Variants in THSD7B observed in about 807,000 individuals in gnomAD.
THSD7B encodes the protein thrombospondin type-1 domain-containing protein 7B.
A neutral mutation model predicts 213.6 loss-of-function variants in THSD7B; 138 were observed. The observed-to-expected ratio is 0.65, with a 90% CI of 0.56 to 0.74. The LOEUF is 0.74. THSD7B is among the 30% of genes least tolerant of loss of function. THSD7B has a pLI of 0.00. For missense variants in THSD7B, 1,931 were observed against 1,991.5 expected (o/e 0.97, Z 0.58); for synonymous variants, 742 against 687.0 (o/e 1.08, Z -1.25).
Position 137,111,594 on chromosome 2 carries a change from T to A in THSD7B, c.1200-3530T>A, listed in dbSNP as rs148631377. Among the ~76,000 whole-genome samples, 1,483 of 152,288 alleles carry A rather than the reference T, an allele frequency of 9.7e-3. 31 individuals carry two copies. The highest frequency in any genetic ancestry group is 0.033 in the African/African-American group (1,377 of 41,550). Reference sequence around the variant, plus strand: ...GGGTTGCTGGGAGGATTAAATGAAGTAATGCCCCTAAGTTCATTAGTGCGG... The same window carrying A: ...GGGTTGCTGGGAGGATTAAATGAAGAAATGCCCCTAAGTTCATTAGTGCGG... On this transcript the variant is annotated intron_variant, in intron 4 of 27. Coordinates refer to ENST00000409968, the MANE Select transcript of THSD7B (RefSeq NM_001316349.2).
At chr2:137,016,838 T>C (rs574213840) in intron 2 of THSD7B, among the ~76,000 whole-genome samples, 1 of 152,326 alleles carries the variant, frequency 6.6e-6, no homozygotes, top group Non-Finnish European at 1.5e-5. Flanking sequence ...TAAATACTTT[T>C]GCAAGTGCTT....
intron 10 of THSD7B, 53 bp from the exon 11 acceptor site, chr2:137,272,480 A>T: frequency 1.3e-6 from 2 of 1,521,310 alleles, no homozygotes; most frequent in Non-Finnish European, 1.8e-6. Context: ...CTGGATTTTG[A>T]TCTGCATCAA....
intron 14 of THSD7B, among the ~76,000 whole-genome samples, chr2:137,440,813 A>C (rs1046368007): frequency 2.6e-5 from 4 of 152,164 alleles, no homozygotes; most frequent in African/African-American, 9.6e-5. Flanking sequence ...GATTCAGGTC[A>C]GAGTTTCTTT....
At chr2:137,317,657 A>G (rs942724115) in intron 12 of THSD7B, among the ~76,000 whole-genome samples, 3 of 152,178 alleles carry the variant, frequency 2.0e-5, no homozygotes, top group African/African-American at 4.8e-5. Flanking sequence ...AATTATGCCT[A>G]TAATCCCAGA....
chr2:137,189,126 C>A (rs35865743), intron 7 of THSD7B, among the ~76,000 whole-genome samples: 1 of 152,002 alleles, frequency 6.6e-6, no homozygotes, highest in Non-Finnish European at 1.5e-5. Context: ...ATCTTCCTTC[C>A]TTCATTTTCC....
intron 2 of THSD7B, among the ~76,000 whole-genome samples, chr2:136,924,367 T>G (rs1209096945): frequency 1.3e-5 from 2 of 151,272 alleles, no homozygotes; most frequent in African/African-American, 4.8e-5. Flanking sequence ...ATATTCTTAC[T>G]TTTTGGTGTA....
intron 1 of THSD7B, among the ~76,000 whole-genome samples, chr2:136,872,812 TAC>T (rs1683455418): frequency 8.2e-5 from 1 of 12,232 alleles, no homozygotes; most frequent in Admixed American, 1.1e-3. Flanking sequence ...TTACTGAAAA[TAC>T]AAAAAAAAAA....
chr2:136,834,994 A>G (rs1682821325), intron 1 of THSD7B, among the ~76,000 whole-genome samples: 1 of 152,198 alleles, frequency 6.6e-6, no homozygotes, highest in Admixed American at 6.5e-5. Flanking sequence ...TGTATTTTAC[A>G]AAGACGAATT....
At position 136,855,587 on chromosome 2, in the gene THSD7B, G is replaced by A. The variant is rs900688181; in HGVS notation, c.-35-26557G>A. On this transcript the variant is annotated intron_variant, in intron 1 of 27. Coordinates refer to ENST00000409968, the MANE Select transcript of THSD7B (RefSeq NM_001316349.2). ...ATTACAGGTGCGTGCCACCGCATCC[G>A]GCTATTATTTATTTATTATTTATTT... Among the ~76,000 whole-genome samples, 6 of 43,620 alleles carry A rather than the reference G, an allele frequency of 1.4e-4. No individual in the cohort carries two copies. In the East Asian group the frequency reaches 2.8e-3, roughly 20 times the overall value. The allele number at this position is 43,620 out of a possible 152,430, so 28.6% of individuals were successfully genotyped here. A position where few individuals can be genotyped will look rare whatever the true frequency, so the allele number is the denominator to read the frequency against.
chr2:137,641,602 A>T (rs1162979075), intron 20 of THSD7B, among the ~76,000 whole-genome samples: 1 of 152,222 alleles, frequency 6.6e-6, no homozygotes, highest in Non-Finnish European at 1.5e-5. Flanking sequence ...TGAGAGTGAA[A>T]GAGTACAAGA....
At chr2:136,837,822 C>A (rs1352338407) in intron 1 of THSD7B, among the ~76,000 whole-genome samples, 1 of 152,190 alleles carries the variant, frequency 6.6e-6, no homozygotes, top group African/African-American at 2.4e-5. Flanking sequence ...TATATATCCT[C>A]CTACCTTGCA....
intron 3 of THSD7B, among the ~76,000 whole-genome samples, chr2:137,082,511 A>C (rs1221322484): frequency 6.6e-6 from 1 of 152,136 alleles, no homozygotes; most frequent in African/African-American, 2.4e-5. Context: ...ATTTGAATCT[A>C]TAACAACAAG....
At chr2:137,018,955 A>G (rs1015615886) in intron 2 of THSD7B, among the ~76,000 whole-genome samples, 1 of 152,092 alleles carries the variant, frequency 6.6e-6, no homozygotes, top group African/African-American at 2.4e-5. Flanking sequence ...ATATCTTGGC[A>G]TTGTCATAAT....
chr2:137,077,940 A>G (rs979524737), intron 3 of THSD7B, among the ~76,000 whole-genome samples: 2 of 152,126 alleles, frequency 1.3e-5, no homozygotes, highest in Non-Finnish European at 2.9e-5. Flanking sequence ...GTTTTCTTCT[A>G]GGGTTTTTAT....
At chr2:136,866,177 C>T (rs971393856) in intron 1 of THSD7B, among the ~76,000 whole-genome samples, 8 of 152,132 alleles carry the variant, frequency 5.3e-5, no homozygotes, top group African/African-American at 1.9e-4. Flanking sequence ...CTATTTCATT[C>T]TTCTTATTTA....
At chr2:137,649,958 C>T (rs1683106670) in intron 21 of THSD7B, among the ~76,000 whole-genome samples, 1 of 151,638 alleles carries the variant, frequency 6.6e-6, no homozygotes, top group African/African-American at 2.4e-5. Context: ...AAAAGTTAGG[C>T]AGGTGTGGTG....
chr2:137,073,971 C>G (rs1573805017), intron 3 of THSD7B, among the ~76,000 whole-genome samples: 1 of 152,086 alleles, frequency 6.6e-6, no homozygotes, highest in South Asian at 2.1e-4. Flanking sequence ...AATTTCTGTT[C>G]TTTTACATTT....
chr2:137,182,278 A>G (rs990998693), intron 7 of THSD7B, among the ~76,000 whole-genome samples: 1 of 152,226 alleles, frequency 6.6e-6, no homozygotes, highest in African/African-American at 2.4e-5. Context: ...TGCAATATTT[A>G]TCACAGGCGC....
intron 1 of THSD7B, among the ~76,000 whole-genome samples, chr2:136,850,437 C>T (rs1489672947): frequency 6.6e-6 from 1 of 152,012 alleles, no homozygotes; most frequent in East Asian, 1.9e-4. Flanking sequence ...AGTGTAATTT[C>T]AGGGATAAAG....
Sources: allele counts gnomAD v4.1 joint callset (sites outside exome capture counted in the v4.1 genomes callset), GRCh38; gene constraint gnomAD v4.1.1; transcripts MANE v1.5; gene names NCBI Gene and HGNC (gene_info 2026-07-23, HGNC 2026-07-21).